The following ATG7 variants were observed in gnomAD, a reference collection of about 807,000 sequenced individuals.
ATG7 encodes ubiquitin-like modifier-activating enzyme ATG7.
Under a neutral mutation model 82.4 loss-of-function variants are expected in ATG7, and 70 were observed. That is an observed-to-expected ratio of 0.85 (90% CI 0.70 to 1.04). The LOEUF (loss-of-function observed/expected upper bound fraction) is 1.04. ATG7 is among the 50% of genes least tolerant of loss of function. The pLI is 0.00. For synonymous variants in ATG7, 287 were observed against 313.0 expected (o/e 0.92, Z 0.88); for missense variants, 792 against 864.3 (o/e 0.92, Z 1.05).
intron 20 of ATG7, among the ~76,000 whole-genome samples, chr3:11,434,194 TTTTTG>T (rs1174472259): frequency 6.6e-6 from 1 of 152,196 alleles, no homozygotes; most frequent in African/African-American, 2.4e-5. Flanking sequence ...CTGTGGAATA[TTTTTG>T]TTTTGTTTTG....
chr3:11,521,594 C>G (rs2092444497), intron 20 of ATG7, among the ~76,000 whole-genome samples: 1 of 151,452 alleles, frequency 6.6e-6, no homozygotes, highest in African/African-American at 2.4e-5. Context: ...GCTCTGTCAC[C>G]CAGGCTGGAG....
chr3:11,498,729 C>T (rs1340471435), intron 20 of ATG7, among the ~76,000 whole-genome samples: 1 of 152,208 alleles, frequency 6.6e-6, no homozygotes, highest in African/African-American at 2.4e-5. Context: ...TCTAATTGCT[C>T]TTTCTCCTTT....
chr3:11,568,296 G>A, the ATG7 span, among the ~76,000 whole-genome samples: 1 of 152,220 alleles, frequency 6.6e-6, no homozygotes, highest in Non-Finnish European at 1.5e-5. The surrounding 1 kb of genome is among the most constrained non-coding windows in gnomAD (Gnocchi z 5.9). Flanking sequence ...CTGCGCCTTA[G>A]GAAATCCAAG....
At chr3:11,441,596 C>G (rs545030938) in intron 20 of ATG7, among the ~76,000 whole-genome samples, 11 of 151,652 alleles carry the variant, frequency 7.3e-5, no homozygotes, top group Admixed American at 2.6e-4. Context: ...GTAACTGTTA[C>G]AAGTTTCTGT....
intron 20 of ATG7, among the ~76,000 whole-genome samples, chr3:11,474,461 A>G (rs1224005451): frequency 6.6e-6 from 1 of 152,154 alleles, no homozygotes; most frequent in Non-Finnish European, 1.5e-5. Context: ...TTAGCTGGGC[A>G]TGGTGGTGTG....
chr3:11,402,091 A>G (rs2079890549), intron 19 of ATG7, among the ~76,000 whole-genome samples: 1 of 152,212 alleles, frequency 6.6e-6, no homozygotes. Context: ...AGGAGAATAG[A>G]AAATTCCAGG....
intron 20 of ATG7, among the ~76,000 whole-genome samples, chr3:11,463,116 C>T (rs975779237): frequency 2.0e-5 from 3 of 152,056 alleles, no homozygotes; most frequent in African/African-American, 7.2e-5. Flanking sequence ...AACTCCTGAT[C>T]TCAGGTGATC....
intron 20 of ATG7, among the ~76,000 whole-genome samples, chr3:11,530,139 G>T (rs1013702274): frequency 1.3e-5 from 2 of 152,196 alleles, no homozygotes; most frequent in Non-Finnish European, 2.9e-5. Flanking sequence ...TGCAGAAAGA[G>T]CCAGCACAGA....
At chr3:11,387,549 A>G (rs139547459) in intron 19 of ATG7, among the ~76,000 whole-genome samples, 1 of 152,284 alleles carries the variant, frequency 6.6e-6, no homozygotes, top group East Asian at 1.9e-4. Flanking sequence ...GTATTGAAAA[A>G]TTGGGTTCCT....
At chr3:11,388,385 A>T (rs1407366344) in intron 19 of ATG7, among the ~76,000 whole-genome samples, 2 of 146,296 alleles carry the variant, frequency 1.4e-5, no homozygotes, top group African/African-American at 5.1e-5. Flanking sequence ...CATTGACTTG[A>T]CTCCTGATGG....
chr3:11,372,847 T>TGTGC (rs1559490663), intron 18 of ATG7, among the ~76,000 whole-genome samples: 8 of 17,794 alleles, frequency 4.5e-4, no homozygotes, highest in African/African-American at 1.4e-3. Flanking sequence ...CGTGCGTGCG[T>TGTGC]GTGCGTGTGT....
chr3:11,523,351 A>T (rs1466348593), intron 20 of ATG7, among the ~76,000 whole-genome samples: 1 of 152,128 alleles, frequency 6.6e-6, no homozygotes, highest in East Asian at 1.9e-4. Context: ...CTTGCCCTCC[A>T]CCTTGGTGAC....
rs553614385 is a variant in ATG7, at chr3:11,371,158, G to A, written c.1875+6424G>A. ...TGCTCTCCTCCCTCCATTCTCTGGG[G>A]TATCATTTTCCACATTATTCAAGGA... On this transcript the variant is annotated intron_variant, in intron 18 of 20. Transcript: ENST00000693202. Among the ~76,000 whole-genome samples, 8 of 151,380 alleles carry A rather than the reference G, an allele frequency of 5.3e-5. 1 individual carries two copies. The highest frequency in any genetic ancestry group is 1.7e-4 in the African/African-American group (7 of 41,100).
intron 13 of ATG7, among the ~76,000 whole-genome samples, chr3:11,345,867 A>G (rs1164478206): frequency 1.3e-5 from 2 of 152,236 alleles, no homozygotes; most frequent in East Asian, 1.9e-4. Flanking sequence ...TCAAAATTTC[A>G]AAGTCAACAT....
At chr3:11,436,452 G>A (rs761187659) in intron 20 of ATG7, among the ~76,000 whole-genome samples, 2 of 152,040 alleles carry the variant, frequency 1.3e-5, no homozygotes, top group African/African-American at 2.4e-5. Context: ...TGTGACCCAG[G>A]GATTGTACCC....
the ATG7 span, among the ~76,000 whole-genome samples, chr3:11,570,578 A>C: frequency 6.6e-6 from 1 of 152,232 alleles, no homozygotes; most frequent in Admixed American, 6.5e-5. Flanking sequence ...TAGAGTAAAT[A>C]AATCATTAAG....
At chr3:11,539,797 G>T (rs985895552) in intron 20 of ATG7, among the ~76,000 whole-genome samples, 1 of 152,172 alleles carries the variant, frequency 6.6e-6, no homozygotes, top group Non-Finnish European at 1.5e-5. Flanking sequence ...AAACGTACTC[G>T]CTTGTGGAAC....
chr3:11,510,246 C>T (rs2091982146), intron 20 of ATG7: 1 of 456,662 alleles, frequency 2.2e-6, no homozygotes, highest in African/African-American at 2.0e-5. Context: ...GCCACCTGCA[C>T]TCAGGAGTCG....
chr3:11,400,850 A>G lies in ATG7; in HGVS notation c.1956+20798A>G, dbSNP rs529535279. Among the ~76,000 whole-genome samples, 5 of 152,298 alleles carry G rather than the reference A, an allele frequency of 3.3e-5. No individual in the cohort carries two copies. The South Asian group carries it at 1.0e-3, about 32-fold the overall frequency. ...ATTACAAACGTCACTCAGGGTAATA[A>G]TTTTCTTAGTGAAACCTGGCTCTCT... is the stretch of plus-strand genomic sequence containing the variant. On this transcript the variant is annotated intron_variant, in intron 19 of 20. Coordinates refer to ENST00000693202, the MANE Select transcript of ATG7 (RefSeq NM_001349232.2).
Sources: gnomAD v4.1 joint callset for allele counts (sites outside exome capture counted in the v4.1 genomes callset) on GRCh38, gnomAD v4.1.1 for gene constraint, Gnocchi (gnomAD v3.1) non-coding constraint, MANE v1.5 for transcripts, NCBI Gene and HGNC (gene_info 2026-07-23, HGNC 2026-07-21) for gene names.